SLC27A6: variants seen among roughly 807,000 people sequenced by gnomAD.
SLC27A6 encodes the protein long-chain fatty acid transport protein 6.
SLC27A6 carries 74 observed loss-of-function variants against 63.9 expected under a neutral mutation model. The ratio of observed to expected loss-of-function variants is 1.16; its 90% CI spans 0.96 to 1.40. The LOEUF is 1.40. Ranked by LOEUF, SLC27A6 falls within the 40% of genes most tolerant of loss-of-function variation. SLC27A6 has a pLI of 0.00. For missense variants in SLC27A6, 794 were observed against 732.9 expected, an observed-to-expected ratio of 1.08 and a Z score of -0.96; for synonymous variants, 287 against 260.8, an observed-to-expected ratio of 1.10 and a Z score of -0.97.
chr5:128,981,970 C>T (rs1750607614), intron 1 of SLC27A6, among the ~76,000 whole-genome samples: 1 of 151,964 alleles, frequency 6.6e-6, no homozygotes, highest in Non-Finnish European at 1.5e-5. Flanking sequence ...CCTGCCACCA[C>T]ACCCAGCTAA....
intron 3 of SLC27A6, among the ~76,000 whole-genome samples, chr5:128,989,556 G>T (rs769659687): frequency 6.6e-6 from 1 of 152,124 alleles, no homozygotes; most frequent in Non-Finnish European, 1.5e-5. Context: ...GTCAAAATTA[G>T]GTTCTGCAGT....
At chr5:128,994,050 CCCAG>C (rs1305429884) in intron 4 of SLC27A6, among the ~76,000 whole-genome samples, 1 of 152,076 alleles carries the variant, frequency 6.6e-6, no homozygotes, top group Admixed American at 6.6e-5. Flanking sequence ...CACCTGTAAT[CCCAG>C]CTACTCGGGA....
chr5:128,991,236 G>A (rs947630555), intron 4 of SLC27A6, among the ~76,000 whole-genome samples: 2 of 152,142 alleles, frequency 1.3e-5, no homozygotes, highest in Non-Finnish European at 1.5e-5. Flanking sequence ...GGCCGGGTGT[G>A]AGCTGAGTTA....
intron 4 of SLC27A6, among the ~76,000 whole-genome samples, chr5:129,015,159 A>G (rs1157669467): frequency 6.6e-6 from 1 of 152,146 alleles, no homozygotes; most frequent in Non-Finnish European, 1.5e-5. Flanking sequence ...CTGATAATAT[A>G]TTTTTACTCT....
chr5:129,015,912 C>A lies in SLC27A6; in HGVS notation c.997C>A (p.Arg333Ser). 6.3e-7 allele frequency: 1 copy of A among 1,595,414 alleles called. No individual in the cohort carries two copies. Among genetic ancestry groups the A allele is most frequent in the Non-Finnish European group, 8.5e-7 (1 of 1,173,078 alleles). ...AGAAGGAGAAAAGGATCATAAGGTG[C>A]GTTTGGCAATTGGAAATGGCATACG... ...KREGEKDHKVRLAIGNGIRSD... is the reference protein window; with the variant it reads ...KREGEKDHKVSLAIGNGIRSD... The change falls in exon 5 of 10, where the codon CGT (arginine) becomes AGT (serine). Residue 333 changes from arginine (R) to serine (S), a missense_variant. Physicochemically the swap from Arg to Ser is moderately radical, Grantham distance 110. Transcript: ENST00000262462.
chr5:129,028,480 A>C (rs568407901), intron 8 of SLC27A6, 38 bp downstream of exon 8: 2 of 1,227,620 alleles, frequency 1.6e-6, no homozygotes, highest in Non-Finnish European at 2.4e-6. Context: ...GATTCTTAGA[A>C]TAGAATTGCC....
chr5:129,005,351 T>C, intron 4 of SLC27A6, among the ~76,000 whole-genome samples: 1 of 152,198 alleles, frequency 6.6e-6, no homozygotes, highest in Non-Finnish European at 1.5e-5. Flanking sequence ...AAGGAAACTT[T>C]ATAAACCAAT....
chr5:129,002,445 G>GTTCCCTCTCTTGTTCC (rs56166646), intron 4 of SLC27A6, among the ~76,000 whole-genome samples: 35,607 of 139,712 alleles, frequency 0.25, 5,869 homozygotes, highest in Middle Eastern at 0.37. Context: ...TCCCTCCATT[G>GTTCCCTCTCTTGTTCC]TTCCCTCTCT....
chr5:128,972,589 G>C (rs187736211), intron 1 of SLC27A6, among the ~76,000 whole-genome samples: 2 of 152,154 alleles, frequency 1.3e-5, no homozygotes, highest in African/African-American at 4.8e-5. Flanking sequence ...GCATCATGCA[G>C]TTCTCGTGCC....
intron 4 of SLC27A6, 25 bp from the exon 5 acceptor site, chr5:129,015,860 C>T: frequency 6.7e-7 from 1 of 1,502,734 alleles, no homozygotes; most frequent in Non-Finnish European, 9.0e-7. Context: ...GAACTAATTA[C>T]AAGTAAAACA....
At chr5:128,999,923 A>T (rs573250822) in intron 4 of SLC27A6, among the ~76,000 whole-genome samples, 1 of 152,320 alleles carries the variant, frequency 6.6e-6, no homozygotes, top group South Asian at 2.1e-4. Context: ...TTCTGAGGAG[A>T]GAAGCAAAGA....
At chr5:128,987,778 G>A (rs982002182) in intron 2 of SLC27A6, among the ~76,000 whole-genome samples, 17 of 151,954 alleles carry the variant, frequency 1.1e-4, no homozygotes, top group Non-Finnish European at 2.4e-4. Context: ...TTCTAAAAAT[G>A]AAAGGATGAA....
intron 4 of SLC27A6, among the ~76,000 whole-genome samples, chr5:128,999,269 T>C (rs1275952238): frequency 6.6e-6 from 1 of 152,154 alleles, no homozygotes; most frequent in East Asian, 1.9e-4. Flanking sequence ...GTCTTCAGCC[T>C]TCCAGGACCA....
chr5:128,983,632 T>C (rs970511054), intron 1 of SLC27A6, among the ~76,000 whole-genome samples: 1 of 152,138 alleles, frequency 6.6e-6, no homozygotes, highest in Non-Finnish European at 1.5e-5. Context: ...CATTATTTTT[T>C]CTTTTTTGCC....
At chr5:128,986,570 A>G (rs1258520470) in intron 2 of SLC27A6, among the ~76,000 whole-genome samples, 2 of 152,176 alleles carry the variant, frequency 1.3e-5, no homozygotes, top group Non-Finnish European at 2.9e-5. Context: ...ACTGGAGAAT[A>G]TAATTTTTTT....
At chr5:129,032,024 G>T (rs961233751) in intron 9 of SLC27A6, among the ~76,000 whole-genome samples, 1 of 151,880 alleles carries the variant, frequency 6.6e-6, no homozygotes, top group Non-Finnish European at 1.5e-5. Flanking sequence ...GTCTCTACAT[G>T]TCATCTCACT....
intron 5 of SLC27A6, among the ~76,000 whole-genome samples, chr5:129,023,290 T>G (rs1454257623): frequency 6.6e-6 from 1 of 152,132 alleles, no homozygotes; most frequent in African/African-American, 2.4e-5. Flanking sequence ...AAATGGTCCT[T>G]TTGCCTGCAG....
intron 1 of SLC27A6, among the ~76,000 whole-genome samples, chr5:128,984,422 G>A (rs758602560): frequency 2.6e-5 from 4 of 152,172 alleles, no homozygotes; most frequent in Non-Finnish European, 4.4e-5. Flanking sequence ...GTCTGGTTAA[G>A]TTTCACAGAT....
chr5:128,973,633 G>T (rs1446407594), intron 1 of SLC27A6, among the ~76,000 whole-genome samples: 1 of 152,206 alleles, frequency 6.6e-6, no homozygotes, highest in Non-Finnish European at 1.5e-5. Context: ...TTGGAAAAGT[G>T]CAGTATTAGA....
Sources: allele counts gnomAD v4.1 joint callset (sites outside exome capture counted in the v4.1 genomes callset), GRCh38; gene constraint gnomAD v4.1.1; transcripts MANE v1.5; gene names NCBI Gene and HGNC (gene_info 2026-07-23, HGNC 2026-07-21).